Variants in PCSK2 observed in about 807,000 individuals in gnomAD.
The protein encoded by PCSK2 is neuroendocrine convertase 2.
PCSK2 carries 14 observed loss-of-function variants against 69.7 expected under a neutral mutation model. The observed-to-expected ratio is 0.20, with a 90% CI of 0.13 to 0.31. The LOEUF (loss-of-function observed/expected upper bound fraction) is 0.31, where lower values mean the gene tolerates loss of function less well. PCSK2 is among the 10% of genes least tolerant of loss of function. The pLI, the probability that PCSK2 is intolerant of heterozygous loss-of-function variation, is 1.00. For synonymous variants in PCSK2, 307 were observed against 320.7 expected, an observed-to-expected ratio of 0.96 and a Z score of 0.46; for missense variants, 544 against 842.5, an observed-to-expected ratio of 0.65 and a Z score of 4.39.
chr20:17,460,982 G>A (rs544840716), intron 10 of PCSK2, among the ~76,000 whole-genome samples: 54 of 152,014 alleles, frequency 3.6e-4, no homozygotes, highest in African/African-American at 1.3e-3. Context: ...TAACTTATCC[G>A]AGTTCACACA....
chr20:17,454,379 C>T (rs1163705722), intron 9 of PCSK2, among the ~76,000 whole-genome samples: 3 of 152,144 alleles, frequency 2.0e-5, no homozygotes, highest in Non-Finnish European at 2.9e-5. Flanking sequence ...ACAACATTCA[C>T]GGATGGACTT....
chr20:17,421,924 A>G (rs927427057), intron 6 of PCSK2, among the ~76,000 whole-genome samples: 1 of 152,002 alleles, frequency 6.6e-6, no homozygotes, highest in Non-Finnish European at 1.5e-5. Flanking sequence ...AAAACTAAAA[A>G]TCAGGATATT....
At chr20:17,396,911 C>T (rs1037748433) in intron 5 of PCSK2, among the ~76,000 whole-genome samples, 1 of 152,192 alleles carries the variant, frequency 6.6e-6, no homozygotes, top group African/African-American at 2.4e-5. Context: ...TGGGAGAAAT[C>T]CAACCAGGCT....
At chr20:17,297,855 C>G (rs906587792) in intron 2 of PCSK2, among the ~76,000 whole-genome samples, 1 of 152,080 alleles carries the variant, frequency 6.6e-6, no homozygotes, top group South Asian at 2.1e-4. Flanking sequence ...TATTTTTAAG[C>G]TAATTTTTTA....
chr20:17,239,766 C>A (rs1300433795), intron 1 of PCSK2, among the ~76,000 whole-genome samples: 2 of 147,922 alleles, frequency 1.4e-5, no homozygotes, highest in African/African-American at 5.0e-5. Flanking sequence ...AACAAGTAAG[C>A]AACTGGGATT....
At chr20:17,353,715 C>G (rs1241905753) in intron 2 of PCSK2, among the ~76,000 whole-genome samples, 1 of 152,144 alleles carries the variant, frequency 6.6e-6, no homozygotes, top group African/African-American at 2.4e-5. Flanking sequence ...CTACACTATT[C>G]ACAGTTGCAA....
At chr20:17,244,146 T>A (rs1318448267) in intron 1 of PCSK2, among the ~76,000 whole-genome samples, 1 of 152,188 alleles carries the variant, frequency 6.6e-6, no homozygotes, top group African/African-American at 2.4e-5. Flanking sequence ...AATACGTATA[T>A]GTAGGAAAAT....
At chr20:17,415,715 G>A (rs138404728) in intron 6 of PCSK2, among the ~76,000 whole-genome samples, 49 of 152,222 alleles carry the variant, frequency 3.2e-4, no homozygotes, top group African/African-American at 9.9e-4. Flanking sequence ...AAAAGAGCCC[G>A]CATTGCCAAA....
chr20:17,428,984 G>T (rs2032305581), intron 6 of PCSK2, among the ~76,000 whole-genome samples: 1 of 102,588 alleles, frequency 9.7e-6, no homozygotes, highest in Non-Finnish European at 1.8e-5. Flanking sequence ...GGGTGACCGA[G>T]GAGACTCTGT....
intron 2 of PCSK2, among the ~76,000 whole-genome samples, chr20:17,306,631 G>A (rs537515087): frequency 1.3e-5 from 2 of 152,108 alleles, no homozygotes; most frequent in African/African-American, 2.4e-5. Flanking sequence ...TCAGTGCCTC[G>A]CAGTACCCTT....
At chr20:17,277,218 C>G (rs1600439905) in intron 2 of PCSK2, among the ~76,000 whole-genome samples, 2 of 152,318 alleles carry the variant, frequency 1.3e-5, no homozygotes, top group South Asian at 4.1e-4. Flanking sequence ...GAAAAAACTA[C>G]TTTAAAGTTT....
intron 2 of PCSK2, among the ~76,000 whole-genome samples, chr20:17,340,803 T>G (rs1295108152): frequency 6.6e-6 from 1 of 152,216 alleles, no homozygotes; most frequent in Admixed American, 6.5e-5. Flanking sequence ...GCTTCTTTTT[T>G]CTGGCTTACT....
At chr20:17,233,030 C>G (rs1166757787) in intron 1 of PCSK2, among the ~76,000 whole-genome samples, 2 of 152,178 alleles carry the variant, frequency 1.3e-5, no homozygotes, top group African/African-American at 4.8e-5. Context: ...TGTTCTCTAT[C>G]CATTTGGTGC....
chr20:17,432,557 C>G (rs1052196531), intron 7 of PCSK2, among the ~76,000 whole-genome samples: 7 of 152,138 alleles, frequency 4.6e-5, no homozygotes, highest in African/African-American at 1.7e-4. Flanking sequence ...GGACCCCATT[C>G]TTTCCTTCTT....
At chr20:17,317,864 C>A (rs114268730) in intron 2 of PCSK2, among the ~76,000 whole-genome samples, 1 of 151,844 alleles carries the variant, frequency 6.6e-6, no homozygotes, top group African/African-American at 2.4e-5. Flanking sequence ...AAGATGTAGA[C>A]GCAGGAAGGA....
intron 5 of PCSK2, among the ~76,000 whole-genome samples, chr20:17,376,957 C>T (rs976309301): frequency 2.6e-5 from 4 of 152,216 alleles, no homozygotes; most frequent in East Asian, 3.9e-4. Context: ...ATGCACAACC[C>T]TCTGTGTAAT....
intron 5 of PCSK2, among the ~76,000 whole-genome samples, chr20:17,403,659 T>G (rs992529546): frequency 6.6e-6 from 1 of 152,256 alleles, no homozygotes; most frequent in Non-Finnish European, 1.5e-5. Context: ...TTAAATGCCT[T>G]CAGGGAAAGT....
chr20:17,303,462 T>TATTA (rs1989180041), intron 2 of PCSK2, among the ~76,000 whole-genome samples: 3 of 62,696 alleles, frequency 4.8e-5, no homozygotes, highest in African/African-American at 2.0e-4. Context: ...ATATTAAATA[T>TATTA]AATATATATT....
chr20:17,370,077 T>C (rs1330889406), intron 5 of PCSK2, among the ~76,000 whole-genome samples: 1 of 152,214 alleles, frequency 6.6e-6, no homozygotes, highest in East Asian at 1.9e-4. Flanking sequence ...CCACAAGCCC[T>C]TTAAACAGAA....
Sources: gnomAD v4.1 joint callset for allele counts (sites outside exome capture counted in the v4.1 genomes callset) on GRCh38, gnomAD v4.1.1 for gene constraint, MANE v1.5 for transcripts, NCBI Gene and HGNC (gene_info 2026-07-23, HGNC 2026-07-21) for gene names.